SOX5: variants seen among roughly 807,000 people sequenced by gnomAD.
The protein encoded by SOX5 is transcription factor SOX-5.
Under a neutral mutation model 92.0 loss-of-function variants are expected in SOX5, and 9 were observed. That is an observed-to-expected ratio of 0.10 (90% confidence interval 0.06 to 0.17). The LOEUF is 0.17. Among genes scored for constraint, SOX5 ranks in the 10% least tolerant of loss-of-function variants. SOX5 has a pLI of 1.00. For missense variants in SOX5, 642 were observed against 944.5 expected, an observed-to-expected ratio of 0.68 and a Z score of 4.20; for synonymous variants, 344 against 336.3, an observed-to-expected ratio of 1.02 and a Z score of -0.25.
chr12:24,477,329 T>C (rs1945505686), intron 1 of SOX5, among the ~76,000 whole-genome samples: 1 of 152,096 alleles, frequency 6.6e-6, no homozygotes, highest in Non-Finnish European at 1.5e-5. Flanking sequence ...AGACGAGGTT[T>C]TGCCATGTTG....
At chr12:24,199,305 T>C (rs1175430543) in intron 4 of SOX5, among the ~76,000 whole-genome samples, 1 of 152,228 alleles carries the variant, frequency 6.6e-6, no homozygotes, top group African/African-American at 2.4e-5. Flanking sequence ...ACCCCTGTAC[T>C]GTTAAATGTA....
chr12:24,297,444 C>A (rs1024347815), intron 2 of SOX5, among the ~76,000 whole-genome samples: 2 of 152,180 alleles, frequency 1.3e-5, no homozygotes, highest in Non-Finnish European at 2.9e-5. Context: ...CGTGGGTATA[C>A]GGAAATGGAA....
chr12:23,575,003 T>C lies in SOX5; in HGVS notation c.1342+658A>G, dbSNP rs191269796. Among the ~76,000 whole-genome samples, 1,065 of 152,322 alleles carry C rather than the reference T, an allele frequency of 7.0e-3. 5 individuals carry two copies. The highest frequency in any genetic ancestry group is 0.018 in the South Asian group (85 of 4,832). ...CCTTGAGGGCTGGCCTCCTTAAAAA[T>C]TGAATAAAAATAATACAAATATCAA... On this transcript the variant is annotated intron_variant, in intron 10 of 14. Coordinates refer to ENST00000451604, the MANE Select transcript of SOX5 (RefSeq NM_006940.6).
intron 4 of SOX5, among the ~76,000 whole-genome samples, chr12:24,071,656 G>C (rs960939071): frequency 6.6e-6 from 1 of 151,992 alleles, no homozygotes; most frequent in African/African-American, 2.4e-5. Context: ...GGATGGTCTC[G>C]ATCTCCTGAC....
At chr12:23,929,867 G>C (rs1018375946) in intron 1 of SOX5, among the ~76,000 whole-genome samples, 1 of 151,828 alleles carries the variant, frequency 6.6e-6, no homozygotes, top group Non-Finnish European at 1.5e-5. Context: ...GTTTATCAGA[G>C]TCCATCCATG....
chr12:24,290,064 A>C (rs1307923430), intron 2 of SOX5, among the ~76,000 whole-genome samples: 1 of 152,188 alleles, frequency 6.6e-6, no homozygotes, highest in Admixed American at 6.5e-5. Context: ...TCTGCGATCC[A>C]AAAGTCTAGT....
At chr12:24,035,529 G>A (rs1955940595) in intron 4 of SOX5, among the ~76,000 whole-genome samples, 1 of 152,008 alleles carries the variant, frequency 6.6e-6, no homozygotes, top group African/African-American at 2.4e-5. Flanking sequence ...ATAGAAGAAA[G>A]CTGTGGGAAT....
chr12:24,210,726 T>C (rs7954299), intron 4 of SOX5, among the ~76,000 whole-genome samples: 134,413 of 152,222 alleles, frequency 0.88, 59,463 homozygotes, highest in East Asian at 0.98. Flanking sequence ...GAGAATTCTG[T>C]GAATTAAAGA....
At chr12:23,950,935 C>T, upstream of SOX5, 1 of 1,458,856 alleles carries the variant, frequency 6.9e-7, no homozygotes, top group Non-Finnish European at 9.3e-7. Context: ...AGTAAGCACA[C>T]ACTTACCAAC....
intron 1 of SOX5, 42 bp from the exon 2 acceptor site, chr12:23,896,066 T>A: frequency 7.4e-7 from 1 of 1,343,542 alleles, no homozygotes. Context: ...AACCTCCACA[T>A]AAATCCTTAA....
chr12:23,549,841 A>G (rs1943860976), intron 11 of SOX5, among the ~76,000 whole-genome samples: 1 of 152,002 alleles, frequency 6.6e-6, no homozygotes, highest in Non-Finnish European at 1.5e-5. Flanking sequence ...TCTGTTTAAA[A>G]ACAGACTTGA....
rs140826078 is a variant in SOX5, at chr12:23,605,471, T to C, written c.1018-938A>G. On this transcript the variant is annotated intron_variant, in intron 8 of 14. Coordinates refer to ENST00000451604, the MANE Select transcript of SOX5 (RefSeq NM_006940.6). ...TTAAATTACTAAATATTTAATTATA[T>C]ATTTAATATTAAATAAATTTTACAC... Among the ~76,000 whole-genome samples, 1,182 of 148,118 alleles carry C rather than the reference T, an allele frequency of 8.0e-3. 16 individuals carry two copies. The highest frequency in any genetic ancestry group is 9.0e-3 in the Non-Finnish European group (605 of 67,144).
rs558785724 is a variant in SOX5, at chr12:24,418,085, G to T, written c.-250-49446C>A. Among the ~76,000 whole-genome samples, 5 of 148,156 alleles carry T rather than the reference G, an allele frequency of 3.4e-5. No individual in the cohort carries two copies. In the East Asian group the frequency reaches 6.0e-4, roughly 18 times the overall value. On this transcript the variant is annotated intron_variant, in intron 1 of 4. Coordinates refer to the SOX5 transcript ENST00000446891. Reference sequence around the variant, plus strand: ...TTTGGATGCTTTATATCATATTGCCGTTTTTTTTTTCTTTCCTTTTTCTTA... The same window carrying T: ...TTTGGATGCTTTATATCATATTGCCTTTTTTTTTTTCTTTCCTTTTTCTTA...
At chr12:23,962,399 G>T (rs150970633) in intron 4 of SOX5, among the ~76,000 whole-genome samples, 1 of 151,966 alleles carries the variant, frequency 6.6e-6, no homozygotes, top group Non-Finnish European at 1.5e-5. Context: ...AGGTACGCAC[G>T]CAAGCAAATG....
intron 3 of SOX5, among the ~76,000 whole-genome samples, chr12:23,758,224 T>C (rs993310962): frequency 1.3e-5 from 2 of 151,958 alleles, no homozygotes; most frequent in African/African-American, 4.8e-5. Context: ...TAGAGGTTTT[T>C]ATCTGTATTC....
chr12:24,421,184 G>A (rs746240995), intron 1 of SOX5, among the ~76,000 whole-genome samples: 1 of 152,248 alleles, frequency 6.6e-6, no homozygotes, highest in East Asian at 1.9e-4. Flanking sequence ...TGATTAGCAT[G>A]GTATACATGG....
At chr12:23,867,695 A>C (rs1204393227) in intron 2 of SOX5, among the ~76,000 whole-genome samples, 1 of 152,034 alleles carries the variant, frequency 6.6e-6, no homozygotes, top group African/African-American at 2.4e-5. Context: ...AGTGGGTTGG[A>C]TCTATCCCCA....
chr12:23,662,662 A>G (rs2083219023), intron 7 of SOX5, among the ~76,000 whole-genome samples: 1 of 152,164 alleles, frequency 6.6e-6, no homozygotes, highest in Non-Finnish European at 1.5e-5. Context: ...TGTTAACTCA[A>G]TTTACAATGA....
At chr12:24,328,336 G>C (rs961248465) in intron 2 of SOX5, among the ~76,000 whole-genome samples, 3 of 152,082 alleles carry the variant, frequency 2.0e-5, no homozygotes, top group Non-Finnish European at 4.4e-5. Context: ...TTCATCTATG[G>C]AACAATCAGC....
Sources: gnomAD v4.1 joint callset for allele counts (sites outside exome capture counted in the v4.1 genomes callset) on GRCh38, gnomAD v4.1.1 for gene constraint, MANE v1.5 for transcripts, NCBI Gene and HGNC (gene_info 2026-07-23, HGNC 2026-07-21) for gene names.